Variants in SRSF11 observed in about 807,000 individuals in gnomAD.
The protein encoded by SRSF11 is serine/arginine-rich splicing factor 11.
In SRSF11, 9 loss-of-function variants were observed where a neutral mutation model predicts 56.0. The ratio of observed to expected loss-of-function variants is 0.16; its 90% confidence interval spans 0.10 to 0.28. The LOEUF (loss-of-function observed/expected upper bound fraction) is 0.28. Ranked by LOEUF, SRSF11 falls within the 10% of genes least tolerant of loss-of-function variation. The pLI is 1.00. For missense variants in SRSF11, 421 were observed against 600.7 expected, an observed-to-expected ratio of 0.70 and a Z score of 3.13; for synonymous variants, 222 against 215.3, an observed-to-expected ratio of 1.03 and a Z score of -0.27.
chr1:70,236,237 C>G (rs553164779), intron 5 of SRSF11, among the ~76,000 whole-genome samples: 1 of 152,048 alleles, frequency 6.6e-6, no homozygotes, highest in East Asian at 1.9e-4. Flanking sequence ...GTTGAAGCTT[C>G]CTATATACCC....
chr1:70,228,814 A>G, intron 2 of SRSF11: 1 of 1,128,724 alleles, frequency 8.9e-7, no homozygotes, highest in East Asian at 5.2e-5. Flanking sequence ...CCCTTATTGT[A>G]ACTCCCTGAG....
upstream of SRSF11, among the ~76,000 whole-genome samples, chr1:70,219,013 C>T (rs1363871654): frequency 6.6e-6 from 1 of 152,134 alleles, no homozygotes; most frequent in African/African-American, 2.4e-5. Context: ...ATCCCTAATC[C>T]AAACCAAAAT....
At chr1:70,234,011 A>G (rs1036984149) in intron 3 of SRSF11, among the ~76,000 whole-genome samples, 5 of 152,230 alleles carry the variant, frequency 3.3e-5, no homozygotes, top group African/African-American at 9.6e-5. Flanking sequence ...TTCCCCATCT[A>G]TGCTGAAACT....
chr1:70,252,023 G>A lies in SRSF11; in HGVS notation c.*1218G>A, dbSNP rs1678030242. 6.6e-6 allele frequency: 1 copy of A among 152,638 alleles called. No individual in the cohort carries two copies. The highest frequency in any genetic ancestry group is 1.9e-4 in the East Asian group (1 of 5,190). The allele number at this position is 152,638 out of a possible 1,614,324, so 9.5% of individuals were successfully genotyped here. ...CTTATGTTCATGTTCCTGTAAAACC[G>A]TATTTGTATTTATTTACGCTACTGA... On this transcript the variant is annotated 3_prime_UTR_variant, in exon 12 of 12. Transcript: ENST00000370949.
At chr1:70,241,219 A>G (rs1675313439) in intron 7 of SRSF11, among the ~76,000 whole-genome samples, 1 of 152,164 alleles carries the variant, frequency 6.6e-6, no homozygotes, top group Non-Finnish European at 1.5e-5. Flanking sequence ...TATTGTCAGG[A>G]TTTTTGAAAG....
rs548962148 is a variant in SRSF11, at chr1:70,214,751, G to A, written c.-25-6861G>A. On this transcript the variant is annotated intron_variant, in intron 1 of 12. Transcript: ENST00000370950. ...CTTATCCTCTCCCCTTCATTTAGGT[G>A]AAGAATAGGAGCGTGGGATTTACAA... is the stretch of plus-strand genomic sequence containing the variant. 9.2e-5 allele frequency among the ~76,000 whole-genome samples: 14 copies of A among 152,226 alleles called. No homozygotes were observed. The South Asian group carries it at 2.7e-3, about 29-fold the overall frequency.
At chr1:70,206,889 CTTTTTT>C (rs755835751) in intron 1 of SRSF11, among the ~76,000 whole-genome samples, 2 of 119,006 alleles carry the variant, frequency 1.7e-5, no homozygotes, top group Non-Finnish European at 3.5e-5. Flanking sequence ...GGATTTTTGT[CTTTTTT>C]TTTTTTTTTT....
upstream of SRSF11, chr1:70,218,642 CT>C (rs1199813584): frequency 2.0e-5 from 3 of 152,142 alleles, no homozygotes; most frequent in Admixed American, 1.3e-4. Flanking sequence ...GGCATGAACC[CT>C]GACCTTCTGT....
At chr1:70,249,676 G>A (rs1028498345) in intron 9 of SRSF11, 4 of 287,360 alleles carry the variant, frequency 1.4e-5, no homozygotes, top group Non-Finnish European at 2.0e-5. Flanking sequence ...TCCTGCCTCT[G>A]CCTCCTGAGT....
chr1:70,227,253 T>C (rs1671985947), intron 1 of SRSF11, among the ~76,000 whole-genome samples: 1 of 152,166 alleles, frequency 6.6e-6, no homozygotes, highest in Non-Finnish European at 1.5e-5. Context: ...TATGTACACA[T>C]TGGTGTGTTT....
rs775147208 is a variant in SRSF11, at chr1:70,221,813, C to T, written c.177C>T (p.Ile59=). 2 of 1,613,962 alleles carry T rather than the reference C, an allele frequency of 1.2e-6. No individual in the cohort carries two copies. The highest frequency in any genetic ancestry group is 1.7e-6 in the Non-Finnish European group (2 of 1,179,980). The change falls in exon 1 of 12, where the codon ATC becomes ATT. Residue 59 remains isoleucine (I), a synonymous_variant. Coordinates refer to ENST00000370949, the MANE Select transcript of SRSF11 (RefSeq NM_001350605.2). The part of the protein sequence containing the change: ...MRTLFGFLGK[I]DELRLFPPDD... The stretch of plus-strand genomic sequence containing the variant: ...CTCTCTTCGGTTTCCTAGGCAAGAT[C>T]GACGAACTGCGCCTCTTCCCGCCGG...
At chr1:70,231,973 C>A in intron 2 of SRSF11, 1 of 1,528,896 alleles carries the variant, frequency 6.5e-7, no homozygotes, top group Non-Finnish European at 8.8e-7. Context: ...AAATCGAGTA[C>A]AGGTGATGAA....
At chr1:70,239,596 T>G in intron 7 of SRSF11, 76 bp downstream of exon 7, 1 of 1,111,278 alleles carries the variant, frequency 9.0e-7, no homozygotes, top group South Asian at 1.5e-5. Flanking sequence ...AATTTGCTGT[T>G]AATCTGTTAT....
At chr1:70,248,600 G>A (rs1401912113) in intron 9 of SRSF11, 2 of 152,036 alleles carry the variant, frequency 1.3e-5, no homozygotes, top group Non-Finnish European at 2.9e-5. Context: ...TGAGGGATAG[G>A]TGGCAAAGAG....
rs745535122 is a variant in SRSF11 at position 70,251,305 on chromosome 1, A to G, written c.*500A>G. On this transcript the variant is annotated 3_prime_UTR_variant, in exon 12 of 12. Transcript: ENST00000370949. ...GTTGACATGACAAATTAACATTCTT[A>G]TAGTTACATCTGGAAATGAGCATTT... 3.2e-5 allele frequency: 5 copies of G among 154,306 alleles called. No individual in the cohort carries two copies. The highest frequency in any genetic ancestry group is 1.3e-4 in the Admixed American group (2 of 15,608). 9.6% of individuals were successfully genotyped at this position (154,306 alleles called of 1,614,324 possible).
chr1:70,221,343 C>T (rs924054712), upstream of SRSF11: 2 of 408,526 alleles, frequency 4.9e-6, no homozygotes, highest in Non-Finnish European at 8.7e-6. Flanking sequence ...GCTGACGCGC[C>T]CTGCGCCGCA....
At chr1:70,211,457 TA>T (rs1558140950) in intron 1 of SRSF11, among the ~76,000 whole-genome samples, 1 of 152,188 alleles carries the variant, frequency 6.6e-6, no homozygotes, top group Non-Finnish European at 1.5e-5. Flanking sequence ...ACAGTTTTAA[TA>T]AGACATGATA....
chr1:70,230,571 A>G (rs1672655741), intron 2 of SRSF11: 4 of 1,286,410 alleles, frequency 3.1e-6, no homozygotes, highest in Non-Finnish European at 3.0e-6. Flanking sequence ...TCATGGTTCT[A>G]TCAAAGCAGC....
intron 7 of SRSF11, among the ~76,000 whole-genome samples, chr1:70,244,077 T>C (rs553417677): frequency 6.6e-6 from 1 of 152,288 alleles, no homozygotes; most frequent in Non-Finnish European, 1.5e-5. Context: ...TATATATCTG[T>C]AAAAGGTCTG....
Sources: allele counts gnomAD v4.1 joint callset (sites outside exome capture counted in the v4.1 genomes callset), GRCh38; gene constraint gnomAD v4.1.1; transcripts MANE v1.5; gene names NCBI Gene and HGNC (gene_info 2026-07-23, HGNC 2026-07-21).